Variants in CHRFAM7A observed in about 807,000 individuals in gnomAD.
The protein encoded by CHRFAM7A is CHRNA7 (exons 5-10) and FAM7A (exons A-E) fusion, also known as CHRNA7-FAM7A fusion protein.
In CHRFAM7A, 3 loss-of-function variants were observed where a neutral mutation model predicts 29.2. The observed-to-expected ratio is 0.10, with a 90% confidence interval of 0.05 to 0.27. The LOEUF is 0.27. CHRFAM7A is among the 10% of genes least tolerant of loss of function. The pLI, the probability that CHRFAM7A is intolerant of heterozygous loss-of-function variation, is 1.00. For synonymous variants in CHRFAM7A, 7 were observed against 135.4 expected, an observed-to-expected ratio of 0.05 and a Z score of 6.58; for missense variants, 22 against 328.0, an observed-to-expected ratio of 0.07 and a Z score of 7.21.
intron 7 of CHRFAM7A, among the ~76,000 whole-genome samples, chr15:30,371,749 G>T (rs1245368390): frequency 2.8e-5 from 4 of 145,126 alleles, no homozygotes; most frequent in Non-Finnish European, 6.1e-5. Context: ...GGGAGTGATT[G>T]TAAGAATTAC....
intron 5 of CHRFAM7A, among the ~76,000 whole-genome samples, chr15:30,373,544 G>A (rs2058889440): frequency 7.5e-6 from 1 of 132,878 alleles, no homozygotes; most frequent in Non-Finnish European, 1.7e-5. Flanking sequence ...GTGTGTGTGT[G>A]TCTGTTTGGT....
chr15:30,377,576 TC>T lies in CHRFAM7A; in HGVS notation c.81-468del, dbSNP rs1323731951. On this transcript the variant is annotated intron_variant, in intron 4 of 9. Coordinates refer to ENST00000299847, the MANE Select transcript of CHRFAM7A (RefSeq NM_139320.2). ...ACTTGGTTTGTGCTTCACATATATA[TC>T]TTTTTTTTTTTTTTTGAGACAGAGT... 1.0e-3 allele frequency among the ~76,000 whole-genome samples: 46 copies of T among 45,838 alleles called. 1 individual carries two copies. The highest frequency in any genetic ancestry group is 2.5e-3 in the Non-Finnish European group (38 of 14,972). The allele number at this position is 45,838 out of a possible 152,430, so 30.1% of individuals were successfully genotyped here. A position where few individuals can be genotyped will look rare whatever the true frequency, so the allele number is the denominator to read the frequency against.
In CHRFAM7A at chr15:30,371,629, T is replaced by C. The variant is rs371645758; in HGVS notation, c.524-445A>G. Among the ~76,000 whole-genome samples the C allele has an allele frequency of 6.0e-5, 9 of 149,264 alleles. No homozygotes were observed. The East Asian group carries it at 9.7e-4, about 16-fold the overall frequency. On this transcript the variant is annotated intron_variant, in intron 7 of 9. Coordinates refer to ENST00000299847, the MANE Select transcript of CHRFAM7A (RefSeq NM_139320.2). ...TTCTGAACCTCATACTCAGAAGATA[T>C]GGGTTTGGGAATGATTTCTACCATA...
At chr15:30,377,865 A>G (rs2058949834) in intron 4 of CHRFAM7A, among the ~76,000 whole-genome samples, 1 of 142,094 alleles carries the variant, frequency 7.0e-6, no homozygotes, top group Non-Finnish European at 1.5e-5. Flanking sequence ...ATTTACAAGT[A>G]ACACATTTTA....
At chr15:30,393,791 C>A (rs1393654053), upstream of CHRFAM7A, 3 of 72,806 alleles carry the variant, frequency 4.1e-5, no homozygotes, top group African/African-American at 1.2e-4. Context: ...CTTGACCCAG[C>A]ACCTTTCTGC....
chr15:30,361,978 T>TCGCC lies in CHRFAM7A; in HGVS notation c.*314_*315insGGCG. On this transcript the variant is annotated 3_prime_UTR_variant, in exon 10 of 10. Transcript: ENST00000299847. The stretch of plus-strand genomic sequence containing the variant: ...CATGCAAAACCAACTGTCTCGGTGG[T>TCGCC]GAGGAGCCATGGGGAGCTCTCCGAA... 1.8e-4 allele frequency: 1 copy of TCGCC among 5,472 alleles called. No homozygotes were observed. Among genetic ancestry groups the TCGCC allele is most frequent in the Non-Finnish European group, 3.9e-4 (1 of 2,568 alleles). 0.3% of individuals were successfully genotyped at this position (5,472 alleles called of 1,614,324 possible). A position where few individuals can be genotyped will look rare whatever the true frequency, so the allele number is the denominator to read the frequency against.
Position 30,367,387 on chromosome 15 carries a change from T to A in CHRFAM7A, c.720+31A>T, listed in dbSNP as rs771064788. On this transcript the variant is annotated intron_variant, in intron 9 of 9. Coordinates refer to ENST00000299847, the MANE Select transcript of CHRFAM7A (RefSeq NM_139320.2). ...GGAGGAGCCTCCTTTACAGCGGGGC[T>A]CCGACTCCATCGGGGGTGGGAGGAA... 2.2e-5 allele frequency: 35 copies of A among 1,594,858 alleles called. 1 individual carries two copies. The East Asian group carries it at 6.7e-4, about 31-fold the overall frequency.
Position 30,372,994 on chromosome 15 carries a change from TC to T in CHRFAM7A, c.311del (p.Gly104GlufsTer5), listed in dbSNP as rs2058879847. ...EADISGYIPN[G>X]EWDLVGIPGK... Reference sequence around the variant, plus strand: ...ATGGCTTACCCACTAGGTCCCATTCTCCATTGGGGATATAGCCACTGATATC... The same window carrying T: ...ATGGCTTACCCACTAGGTCCCATTCTCATTGGGGATATAGCCACTGATATC... On this transcript the variant is annotated frameshift_variant, in exon 6 of 10. Transcript: ENST00000299847. LOFTEE classifies it high-confidence loss of function. The T allele has an allele frequency of 1.2e-6, 2 of 1,602,602 alleles. No homozygotes were observed.
At chr15:30,368,900 T>TA (rs1379414016) in intron 8 of CHRFAM7A, among the ~76,000 whole-genome samples, 3 of 103,478 alleles carry the variant, frequency 2.9e-5, no homozygotes, top group African/African-American at 1.2e-4. Flanking sequence ...TTGTGAGCCT[T>TA]AATCTGTGAG....
intron 8 of CHRFAM7A, 129 bp from the exon 9 acceptor site, chr15:30,367,656 G>GC (rs2058807468): frequency 8.3e-7 from 1 of 1,202,752 alleles, no homozygotes; most frequent in Non-Finnish European, 1.2e-6. Flanking sequence ...ATGTGTCCAG[G>GC]CCTGCAGCCC....
At chr15:30,393,676 C>G (rs2059011652), upstream of CHRFAM7A, 1 of 21,706 alleles carries the variant, frequency 4.6e-5, no homozygotes, top group African/African-American at 1.2e-4. Context: ...CTACCCCGCC[C>G]CGGTCCTCGT....
At chr15:30,367,143 A>G (rs1465930136) in intron 9 of CHRFAM7A, among the ~76,000 whole-genome samples, 1 of 150,842 alleles carries the variant, frequency 6.6e-6, no homozygotes, top group Non-Finnish European at 1.5e-5. Flanking sequence ...AAAATTGGCC[A>G]GGTGTGGTGG....
Position 30,373,978 on chromosome 15 carries a change from AAAACAAAC to A in CHRFAM7A, c.161-841_161-834del, listed in dbSNP as rs139651987. Among the ~76,000 whole-genome samples, 491 of 142,836 alleles carry A rather than the reference AAAACAAAC, an allele frequency of 3.4e-3. 20 individuals are homozygous for A. The highest frequency in any genetic ancestry group is 6.9e-3 in the African/African-American group (261 of 37,878). 93.7% of individuals were successfully genotyped at this position (142,836 alleles called of 152,430 possible). A position where few individuals can be genotyped will look rare whatever the true frequency, so the allele number is the denominator to read the frequency against. ...GAATCTGTCTGTAAGAAAAAAAGTT[AAAACAAAC>A]AAACAAACAAACAAACAAAAACAAG... is the stretch of plus-strand genomic sequence containing the variant. On this transcript the variant is annotated intron_variant, in intron 5 of 9. Coordinates refer to ENST00000299847, the MANE Select transcript of CHRFAM7A (RefSeq NM_139320.2).
intron 4 of CHRFAM7A, among the ~76,000 whole-genome samples, chr15:30,377,421 G>A (rs1247264837): frequency 7.2e-6 from 1 of 138,872 alleles, no homozygotes; most frequent in African/African-American, 2.7e-5. Flanking sequence ...ATCGGCAGAT[G>A]TGACATTTTC....
At chr15:30,371,293 G>A in intron 7 of CHRFAM7A, 109 bp from the exon 8 acceptor site, 1 of 736,056 alleles carries the variant, frequency 1.4e-6, no homozygotes, top group Non-Finnish European at 2.3e-6. Context: ...GAGGCGCTGG[G>A]GGGAATGTCG....
Position 30,361,815 on chromosome 15 carries a change from T to TA in CHRFAM7A, c.*477dup, listed in dbSNP as rs1227349395. On this transcript the variant is annotated 3_prime_UTR_variant, in exon 10 of 10. Coordinates refer to ENST00000299847, the MANE Select transcript of CHRFAM7A (RefSeq NM_139320.2). ...AATTGCAGAAAAGCTAAGAGGTTTT[T>TA]AGTTTTTGTTTTTTGTTTTCCTTCC... The TA allele has an allele frequency of 1.3e-5, 1 of 74,278 alleles. No individual in the cohort carries two copies. The highest frequency in any genetic ancestry group is 2.7e-5 in the Non-Finnish European group (1 of 36,586). 4.6% of individuals were successfully genotyped at this position (74,278 alleles called of 1,614,324 possible). A position where few individuals can be genotyped will look rare whatever the true frequency, so the allele number is the denominator to read the frequency against.
chr15:30,379,405 G>GA (rs1169394345), intron 4 of CHRFAM7A, among the ~76,000 whole-genome samples: 4 of 19,414 alleles, frequency 2.1e-4, no homozygotes, highest in African/African-American at 2.6e-4. Flanking sequence ...TGCCGACTCA[G>GA]AAAAAAAAAA....
intron 5 of CHRFAM7A, among the ~76,000 whole-genome samples, chr15:30,373,375 GTTTTGTGGGCT>G (rs1567401533): frequency 7.1e-6 from 1 of 141,144 alleles, no homozygotes; most frequent in Admixed American, 7.3e-5. Flanking sequence ...CTCAAAGACT[GTTTTGTGGGCT>G]TTTTGTGCAA....
intron 9 of CHRFAM7A, among the ~76,000 whole-genome samples, chr15:30,367,159 G>C (rs1402410986): frequency 6.6e-6 from 1 of 150,740 alleles, no homozygotes; most frequent in Non-Finnish European, 1.5e-5. Flanking sequence ...GGTGGCAGGC[G>C]CCTGTAGTCC....
Sources: allele counts gnomAD v4.1 joint callset (sites outside exome capture counted in the v4.1 genomes callset), GRCh38; gene constraint gnomAD v4.1.1; transcripts MANE v1.5; gene names NCBI Gene and HGNC (gene_info 2026-07-23, HGNC 2026-07-21).